The following CNTN1 variants were observed in gnomAD, a reference collection of about 807,000 sequenced individuals.
The protein encoded by CNTN1 is contactin-1.
In CNTN1, 38 loss-of-function variants were observed where a neutral mutation model predicts 126.4. The observed-to-expected ratio is 0.30, with a 90% CI of 0.23 to 0.39. CNTN1 has a LOEUF of 0.39. CNTN1 is among the 10% of genes least tolerant of loss of function. CNTN1 has a pLI of 1.00. For synonymous variants in CNTN1, 413 were observed against 422.6 expected, an observed-to-expected ratio of 0.98 and a Z score of 0.28; for missense variants, 1,009 against 1,248.4, an observed-to-expected ratio of 0.81 and a Z score of 2.89.
chr12:40,828,706 C>A (rs1294578934), intron 1 of CNTN1, among the ~76,000 whole-genome samples: 1 of 152,090 alleles, frequency 6.6e-6, no homozygotes, highest in Non-Finnish European at 1.5e-5. Flanking sequence ...TGGGTAGACA[C>A]CAGAAATGCT....
intron 14 of CNTN1, among the ~76,000 whole-genome samples, chr12:40,947,443 T>C (rs1946470825): frequency 6.6e-6 from 1 of 152,082 alleles, no homozygotes; most frequent in South Asian, 2.1e-4. Context: ...CTGTTTTGGC[T>C]TTCTAATTCA....
chr12:41,031,102 G>T (rs891430197), intron 23 of CNTN1, among the ~76,000 whole-genome samples: 1 of 152,166 alleles, frequency 6.6e-6, no homozygotes, highest in African/African-American at 2.4e-5. Flanking sequence ...CTCACCGAAA[G>T]GAGAACCTAG....
chr12:40,790,756 T>A (rs1043437308), intron 1 of CNTN1, among the ~76,000 whole-genome samples: 15 of 152,202 alleles, frequency 9.9e-5, no homozygotes, highest in African/African-American at 3.6e-4. Flanking sequence ...GATGTGAATC[T>A]TTTTTTGTCC....
rs1311359460 is a variant in CNTN1, at chr12:40,936,832, G to A, written c.1037G>A (p.Ser346Asn). ...AATGACACAGAGGTGGACATAGGCA[G>A]TGATCTCTACTGGCCTTGTGTGGCC... Reference protein sequence around the residue: ...HINDTEVDIGSDLYWPCVATG... With the variant: ...HINDTEVDIGNDLYWPCVATG... Residue 346 changes from serine (S) to asparagine (N), a missense_variant, in exon 10 of 24, where the codon AGT (serine) becomes AAT (asparagine). Transcript: ENST00000551295. 5 of 1,613,426 alleles carry A rather than the reference G, an allele frequency of 3.1e-6. No individual in the cohort carries two copies. Among genetic ancestry groups the A allele is most frequent in the South Asian group, 2.2e-5 (2 of 91,078 alleles).
chr12:40,931,980 T>C lies in CNTN1; in HGVS notation c.704-1481T>C, dbSNP rs573224553. ...CTATGCCCTAGTGTTGGCCCTCACC[T>C]GTTTTGCCTGAAGTATTGAAACAGC... On this transcript the variant is annotated intron_variant, in intron 7 of 23. Transcript: ENST00000551295. 1.4e-4 allele frequency among the ~76,000 whole-genome samples: 21 copies of C among 152,120 alleles called. No homozygotes were observed. The East Asian group carries it at 4.1e-3, about 29-fold the overall frequency.
intron 1 of CNTN1, among the ~76,000 whole-genome samples, chr12:40,778,620 T>A (rs1219516893): frequency 6.6e-6 from 1 of 151,794 alleles, no homozygotes; most frequent in Non-Finnish European, 1.5e-5. Flanking sequence ...AACATAAACC[T>A]AATTATAGCA....
chr12:40,783,674 T>C (rs1939891297), intron 1 of CNTN1, among the ~76,000 whole-genome samples: 1 of 152,104 alleles, frequency 6.6e-6, no homozygotes, highest in South Asian at 2.1e-4. Flanking sequence ...ACTTGTATTT[T>C]AGAATCACAA....
At chr12:40,889,562 T>C (rs1216626657) in intron 1 of CNTN1, among the ~76,000 whole-genome samples, 1 of 152,198 alleles carries the variant, frequency 6.6e-6, no homozygotes, top group African/African-American at 2.4e-5. Flanking sequence ...TGGTAGGTTC[T>C]CGGGTTTTTG....
At chr12:40,779,702 T>C (rs1208742659) in intron 1 of CNTN1, among the ~76,000 whole-genome samples, 1 of 151,898 alleles carries the variant, frequency 6.6e-6, no homozygotes, top group African/African-American at 2.4e-5. Context: ...GAATCCAACA[T>C]AGAAGTTCCT....
chr12:40,705,891 T>A (rs963590596), intron 1 of CNTN1, among the ~76,000 whole-genome samples: 50 of 148,982 alleles, frequency 3.4e-4, no homozygotes, highest in African/African-American at 1.2e-3. Context: ...GGCGGGGAGG[T>A]GCTGCATGCT....
intron 14 of CNTN1, among the ~76,000 whole-genome samples, chr12:40,949,204 T>G (rs9668050): frequency 4.7e-4 from 41 of 86,456 alleles, no homozygotes; most frequent in African/African-American, 1.6e-3. Flanking sequence ...ATTTGTTTTT[T>G]TTTTTGTTTT....
intron 17 of CNTN1, 127 bp downstream of exon 17, chr12:40,993,396 T>C (rs1948138909): frequency 2.6e-6 from 2 of 762,362 alleles, no homozygotes; most frequent in East Asian, 2.7e-5. Context: ...CATGTGTGTG[T>C]ATTTCACTAT....
chr12:40,732,542 T>C (rs1942526338), intron 1 of CNTN1, among the ~76,000 whole-genome samples: 1 of 152,022 alleles, frequency 6.6e-6, no homozygotes, highest in East Asian at 1.9e-4. Context: ...CATTGCAGAA[T>C]TGTAGTTGAG....
At chr12:40,953,436 A>T (rs1021124284) in intron 14 of CNTN1, among the ~76,000 whole-genome samples, 3 of 152,088 alleles carry the variant, frequency 2.0e-5, no homozygotes, top group African/African-American at 7.2e-5. Flanking sequence ...TGAGGTATGG[A>T]AAGTGCTAGT....
chr12:41,020,616 C>T (rs1248246615), intron 20 of CNTN1, among the ~76,000 whole-genome samples, 176 bp downstream of exon 20: 3 of 152,034 alleles, frequency 2.0e-5, no homozygotes, highest in Non-Finnish European at 4.4e-5. Context: ...AACAGGGGTT[C>T]CTAACTGGCC....
chr12:41,036,673 G>A (rs1343006533), intron 23 of CNTN1, among the ~76,000 whole-genome samples: 1 of 152,058 alleles, frequency 6.6e-6, no homozygotes, highest in African/African-American at 2.4e-5. Flanking sequence ...TAATAGTGTA[G>A]CCATTATATT....
chr12:40,806,038 T>C (rs143942604), intron 1 of CNTN1, among the ~76,000 whole-genome samples: 1 of 152,208 alleles, frequency 6.6e-6, no homozygotes, highest in East Asian at 1.9e-4. Flanking sequence ...ACAGATGATA[T>C]CTCTCTCCAT....
chr12:41,068,905 C>A (rs1417809448), intron 23 of CNTN1, among the ~76,000 whole-genome samples: 5 of 152,156 alleles, frequency 3.3e-5, no homozygotes, highest in Admixed American at 1.3e-4. Context: ...GCAGGAGGAT[C>A]ACATGGGCCC....
chr12:40,989,092 C>A (rs1199310334), intron 16 of CNTN1, among the ~76,000 whole-genome samples: 2 of 152,180 alleles, frequency 1.3e-5, no homozygotes, highest in African/African-American at 4.8e-5. Flanking sequence ...TGTTTCTCTT[C>A]ATTTGGCTTG....
Sources: gnomAD v4.1 joint callset for allele counts (sites outside exome capture counted in the v4.1 genomes callset) on GRCh38, gnomAD v4.1.1 for gene constraint, MANE v1.5 for transcripts, NCBI Gene and HGNC (gene_info 2026-07-23, HGNC 2026-07-21) for gene names.